SHTN1: variants seen among roughly 807,000 people sequenced by gnomAD.
SHTN1 encodes the protein shootin 1, also known as shootin-1.
SHTN1 carries 42 observed loss-of-function variants against 83.1 expected under a neutral mutation model. That is an observed-to-expected ratio of 0.51 (90% CI 0.39 to 0.65). The LOEUF (loss-of-function observed/expected upper bound fraction) is 0.65. Among genes scored for constraint, SHTN1 ranks in the 30% least tolerant of loss-of-function variants. The probability of loss-of-function intolerance (pLI) is 0.00; values close to 1 mark genes in which losing one functional copy is unlikely to be tolerated. For synonymous variants in SHTN1, 224 were observed against 247.7 expected (o/e 0.90, Z 0.90); for missense variants, 622 against 737.8 (o/e 0.84, Z 1.82).
At chr10:117,088,326 A>G (rs1589927575) in intron 1 of SHTN1, among the ~76,000 whole-genome samples, 1 of 152,228 alleles carries the variant, frequency 6.6e-6, no homozygotes, top group African/African-American at 2.4e-5. Flanking sequence ...CCTTTTATTC[A>G]TAACTGATTA....
intron 1 of SHTN1, among the ~76,000 whole-genome samples, chr10:117,096,765 A>T (rs2133624667): frequency 6.6e-6 from 1 of 152,280 alleles, no homozygotes; most frequent in South Asian, 2.1e-4. Flanking sequence ...GTGTACAAAG[A>T]TGTTAATTGG....
intron 2 of SHTN1, among the ~76,000 whole-genome samples, chr10:116,972,156 T>G (rs1014065354): frequency 6.6e-6 from 1 of 152,180 alleles, no homozygotes; most frequent in Non-Finnish European, 1.5e-5. Flanking sequence ...AACATGCAGG[T>G]AGCCCATTTC....
chr10:116,932,953 C>G (rs1190306034), intron 9 of SHTN1, among the ~76,000 whole-genome samples: 1 of 152,040 alleles, frequency 6.6e-6, no homozygotes, highest in African/African-American at 2.4e-5. Flanking sequence ...TTTTCAGAAC[C>G]AAAAGTTAAA....
chr10:116,934,935 T>C (rs781299492), intron 9 of SHTN1, among the ~76,000 whole-genome samples: 1 of 152,204 alleles, frequency 6.6e-6, no homozygotes, highest in African/African-American at 2.4e-5. Flanking sequence ...GTAGCAATGG[T>C]GAATCAGAGT....
intron 1 of SHTN1, among the ~76,000 whole-genome samples, chr10:117,058,621 G>C (rs907571675): frequency 1.3e-5 from 2 of 152,132 alleles, no homozygotes. Context: ...CGATATGGCA[G>C]AATTACCATA....
intron 16 of SHTN1, among the ~76,000 whole-genome samples, chr10:116,899,546 T>TGTGTGTGTGTGTGTGTGTGTGA (rs1311755308): frequency 8.1e-5 from 10 of 123,800 alleles, no homozygotes; most frequent in African/African-American, 2.6e-4. Flanking sequence ...TGTGTGTGTG[T>TGTGTGTGTGTGTGTGTGTGTGA]GAGAGAGTGC....
chr10:116,985,205 AC>A (rs1467352698), intron 1 of SHTN1, among the ~76,000 whole-genome samples: 1 of 152,240 alleles, frequency 6.6e-6, no homozygotes, highest in Non-Finnish European at 1.5e-5. Context: ...TCATATGAAT[AC>A]CAGAGTCCAT....
chr10:117,120,529 T>C (rs1027964326), intron 1 of SHTN1, among the ~76,000 whole-genome samples: 4 of 152,166 alleles, frequency 2.6e-5, no homozygotes, highest in Non-Finnish European at 5.9e-5. Context: ...ATTACAGGCG[T>C]AAGCCACAGC....
chr10:117,125,662 T>C (rs538324253), intron 1 of SHTN1, among the ~76,000 whole-genome samples: 1 of 152,238 alleles, frequency 6.6e-6, no homozygotes, highest in African/African-American at 2.4e-5. Flanking sequence ...ATCATTTCCT[T>C]TTCTTTTTCT....
At chr10:117,033,946 T>C (rs529816878) in intron 2 of SHTN1, among the ~76,000 whole-genome samples, 7 of 152,334 alleles carry the variant, frequency 4.6e-5, no homozygotes, top group Non-Finnish European at 7.4e-5. Flanking sequence ...TTTCAATTGA[T>C]GCTGAAAAAG....
intron 2 of SHTN1, among the ~76,000 whole-genome samples, chr10:117,038,943 C>T (rs1036660009): frequency 7.2e-5 from 11 of 152,124 alleles, no homozygotes; most frequent in African/African-American, 1.4e-4. Context: ...GTAGTTCTTA[C>T]GAAACTAAAC....
At chr10:117,019,594 T>C (rs902166368) in intron 2 of SHTN1, among the ~76,000 whole-genome samples, 2 of 151,954 alleles carry the variant, frequency 1.3e-5, no homozygotes, top group East Asian at 1.9e-4. Flanking sequence ...GTAATCTCAG[T>C]GCTTTGGGAG....
At chr10:117,003,753 A>G (rs1470594037) in intron 1 of SHTN1, among the ~76,000 whole-genome samples, 1 of 152,148 alleles carries the variant, frequency 6.6e-6, no homozygotes, top group Non-Finnish European at 1.5e-5. Flanking sequence ...AGCTGCAACT[A>G]AATACCAGGT....
Position 116,881,624 on chromosome 10 carries a change from A to C in SHTN1, c.*4720T>G. On this transcript the variant is annotated 3_prime_UTR_variant, in exon 17 of 17. Coordinates refer to ENST00000355371, the MANE Select transcript of SHTN1 (RefSeq NM_001127211.3). ...AGCCGCTGGTGCCCACCTTCCCCAC[A>C]CAAGGTGTAGAGGAATCAGCCGAAA... The C allele has an allele frequency of 1.3e-6, 2 of 1,550,370 alleles. No homozygotes were observed. The highest frequency in any genetic ancestry group is 1.7e-6 in the Non-Finnish European group (2 of 1,146,908).
chr10:117,054,743 GA>G (rs1195092663), intron 1 of SHTN1, among the ~76,000 whole-genome samples: 2 of 151,890 alleles, frequency 1.3e-5, no homozygotes, highest in African/African-American at 4.8e-5. Flanking sequence ...TCTTTCTGCT[GA>G]CTTCAAGGTA....
intron 2 of SHTN1, among the ~76,000 whole-genome samples, chr10:117,023,459 A>T (rs1437480944): frequency 1.1e-4 from 16 of 152,228 alleles, no homozygotes; most frequent in Admixed American, 1.0e-3. Flanking sequence ...GCAATAAAAG[A>T]AGTACTTTGT....
chr10:117,055,960 T>C (rs1479849137), intron 1 of SHTN1, among the ~76,000 whole-genome samples: 1 of 152,174 alleles, frequency 6.6e-6, no homozygotes, highest in African/African-American at 2.4e-5. Context: ...AATATGGGAA[T>C]ACTATGAACT....
At chr10:116,904,311 G>C (rs527623553) in intron 15 of SHTN1, among the ~76,000 whole-genome samples, 1 of 152,206 alleles carries the variant, frequency 6.6e-6, no homozygotes, top group South Asian at 2.1e-4. Flanking sequence ...TCATTCCACA[G>C]CCTTTATAAA....
intron 9 of SHTN1, among the ~76,000 whole-genome samples, chr10:116,937,604 T>G (rs533655573): frequency 6.6e-6 from 1 of 152,120 alleles, no homozygotes; most frequent in Non-Finnish European, 1.5e-5. Context: ...ATTTTTTCCT[T>G]CATTTCAACC....
Sources: gnomAD v4.1 joint callset for allele counts (sites outside exome capture counted in the v4.1 genomes callset) on GRCh38, gnomAD v4.1.1 for gene constraint, MANE v1.5 for transcripts, NCBI Gene and HGNC (gene_info 2026-07-23, HGNC 2026-07-21) for gene names.